The following CNTN2 variants were observed in gnomAD, a reference collection of about 807,000 sequenced individuals.
The protein encoded by CNTN2 is contactin-2.
A neutral mutation model predicts 117.5 loss-of-function variants in CNTN2; 53 were observed. The ratio of observed to expected loss-of-function variants is 0.45; its 90% CI spans 0.36 to 0.57. The LOEUF (loss-of-function observed/expected upper bound fraction) is 0.57, where lower values mean the gene tolerates loss of function less well. CNTN2 is among the 20% of genes least tolerant of loss of function. The pLI is 0.00. For synonymous variants in CNTN2, 530 were observed against 561.7 expected (o/e 0.94, Z 0.80); for missense variants, 1,106 against 1,404.3 (o/e 0.79, Z 3.39).
In CNTN2 at chr1:205,059,701, G is replaced by C. The variant is rs1252292795; in HGVS notation, c.797+19G>C. ...TTGGGAAGTGAGTGTGAAGAGGGAGGGGAAGCAGAGCACGGTCTCTCGGGG... is the reference window on the plus strand; with the variant it reads ...TTGGGAAGTGAGTGTGAAGAGGGAGCGGAAGCAGAGCACGGTCTCTCGGGG... On this transcript the variant is annotated intron_variant, in intron 7 of 22. Coordinates refer to ENST00000331830, the MANE Select transcript of CNTN2 (RefSeq NM_005076.5). This position sits in a 1 kb window ranked among gnomAD's most constrained non-coding sequence, Gnocchi z 5.6. The C allele has an allele frequency of 6.2e-7, 1 of 1,607,734 alleles. No homozygotes were observed. The highest frequency in any genetic ancestry group is 1.3e-5 in the African/African-American group (1 of 74,766).
chr1:205,050,333 G>A (rs1176871098), intron 1 of CNTN2, among the ~76,000 whole-genome samples: 1 of 151,834 alleles, frequency 6.6e-6, no homozygotes, highest in Non-Finnish European at 1.5e-5. Flanking sequence ...GAGAGAGAGA[G>A]TTTGTCTTGG....
chr1:205,047,298 A>G (rs3753850), intron 1 of CNTN2, among the ~76,000 whole-genome samples: 4,574 of 152,064 alleles, frequency 0.03, 100 homozygotes, highest in East Asian at 0.06. Flanking sequence ...TGCCAGCTGC[A>G]GCCTGGCCTG....
chr1:205,067,333 A>T (rs78898977), intron 16 of CNTN2, 83 bp downstream of exon 16: 1 of 1,511,294 alleles, frequency 6.6e-7, no homozygotes, highest in Non-Finnish European at 9.0e-7. Context: ...GCCAGCCGCA[A>T]TTATGCTGAG....
intron 2 of CNTN2, among the ~76,000 whole-genome samples, chr1:205,054,547 G>A (rs896775874): frequency 2.6e-5 from 4 of 151,936 alleles, no homozygotes; most frequent in Non-Finnish European, 5.9e-5. Context: ...TCTAGCATCC[G>A]CTCCCTCAGG....
At chr1:205,063,283 C>G (rs1024726950) in intron 10 of CNTN2, 1 of 152,180 alleles carries the variant, frequency 6.6e-6, no homozygotes, top group Non-Finnish European at 1.5e-5. Flanking sequence ...GACAAATAAA[C>G]CCCAAATCAA....
At position 205,069,259 on chromosome 1, in the gene CNTN2, G is replaced by A. The variant is rs11586600; in HGVS notation, c.2126-232G>A. On this transcript the variant is annotated intron_variant, in intron 16 of 22. Coordinates refer to ENST00000331830, the MANE Select transcript of CNTN2 (RefSeq NM_005076.5). Reference sequence around the variant, plus strand: ...CATGGAGAAGAGAATCAGAGGCTCAGAAAGGTTAAGTGACTTGCCCAGGGA... The same window carrying A: ...CATGGAGAAGAGAATCAGAGGCTCAAAAAGGTTAAGTGACTTGCCCAGGGA... 34 of 519,576 alleles carry A rather than the reference G, an allele frequency of 6.5e-5. No homozygotes were observed. In the East Asian group the frequency reaches 8.9e-4, roughly 14 times the overall value. 32.2% of individuals were successfully genotyped at this position (519,576 alleles called of 1,614,324 possible).
At chr1:205,054,541 G>A (rs2096458021) in intron 2 of CNTN2, among the ~76,000 whole-genome samples, 1 of 152,168 alleles carries the variant, frequency 6.6e-6, no homozygotes. Context: ...TGGGCTTCTA[G>A]CATCCGCTCC....
At chr1:205,064,126 A>AGGGGGGGGGGGGGGGGGGGTGGGGGGGGG (rs11329962) in intron 10 of CNTN2, among the ~76,000 whole-genome samples, 196 bp from the exon 11 acceptor site, 1 of 94,374 alleles carries the variant, frequency 1.1e-5, no homozygotes, top group South Asian at 3.1e-4. Context: ...TGAGGGGCGG[A>AGGGGGGGGGGGGGGGGGGGTGGGGGGGGG]GGGGGGGCGC....
rs1654941865 is a variant in CNTN2, at chr1:205,077,981, A to G, written c.*4216A>G. On this transcript the variant is annotated 3_prime_UTR_variant, in exon 23 of 23. Transcript: ENST00000331830. ...GACTCTGGTAGCAGGCAGTTCTTAA[A>G]TAAAGATGGTTTCTCAACCTGTTGG... 1 of 152,206 alleles carries G rather than the reference A, an allele frequency of 6.6e-6. No individual in the cohort carries two copies. Among genetic ancestry groups the G allele is most frequent in the South Asian group, 2.1e-4 (1 of 4,826 alleles). The allele number at this position is 152,206 out of a possible 1,614,324, so 9.4% of individuals were successfully genotyped here.
chr1:205,061,983 G>C lies in CNTN2; in HGVS notation c.1092G>C (p.Gly364=), dbSNP rs1654011678. The change falls in exon 9 of 23, where the codon GGG becomes GGC. Residue 364 remains glycine (G), a synonymous_variant. Transcript: ENST00000331830. This position sits in a 1 kb window ranked among gnomAD's most constrained non-coding sequence, Gnocchi z 4.8. ...PRPTVRWLRN[G]EPLASQNRVE... ...CTACAGTGCGCTGGCTGCGGAACGG[G>C]GAGCCTCTGGCCTCCCAGGTAGGAG... 1 of 1,613,222 alleles carries C rather than the reference G, an allele frequency of 6.2e-7. No homozygotes were observed. Among genetic ancestry groups the C allele is most frequent in the African/African-American group, 1.3e-5 (1 of 74,918 alleles).
intron 1 of CNTN2, among the ~76,000 whole-genome samples, chr1:205,051,769 T>G (rs3767290): frequency 0.15 from 23,178 of 152,096 alleles, 5,150 homozygotes; most frequent in African/African-American, 0.49. Flanking sequence ...TGTGGAGTGG[T>G]CAAATGTGGA....
At chr1:205,071,138 C>T (rs1365569654) in intron 19 of CNTN2, among the ~76,000 whole-genome samples, 2 of 152,192 alleles carry the variant, frequency 1.3e-5, no homozygotes, top group Non-Finnish European at 1.5e-5. Flanking sequence ...GGGGCATGGC[C>T]TGCCCCTTTC....
At chr1:205,053,773 A>G (rs527895551) in intron 2 of CNTN2, among the ~76,000 whole-genome samples, 6 of 152,372 alleles carry the variant, frequency 3.9e-5, no homozygotes, top group Admixed American at 2.0e-4. Context: ...GTCCCCTGAC[A>G]TGAGCAGACA....
chr1:205,074,475 C>T lies in CNTN2; in HGVS notation c.*710C>T. 2.5e-6 allele frequency: 1 copy of T among 398,478 alleles called. No homozygotes were observed. Among genetic ancestry groups the T allele is most frequent in the Non-Finnish European group, 4.4e-6 (1 of 226,250 alleles). The allele number at this position is 398,478 out of a possible 1,614,324, so 24.7% of individuals were successfully genotyped here. A position where few individuals can be genotyped will look rare whatever the true frequency, so the allele number is the denominator to read the frequency against. On this transcript the variant is annotated 3_prime_UTR_variant, in exon 23 of 23. Coordinates refer to ENST00000331830, the MANE Select transcript of CNTN2 (RefSeq NM_005076.5). ...GGCCCTTGGTGGAAAGGGGCACCAG[C>T]CTTGGTCTGAGATAGTCACAACCCA...
chr1:205,066,681 G>A (rs564637017), intron 15 of CNTN2, 82 bp downstream of exon 15: 196 of 1,493,438 alleles, frequency 1.3e-4, no homozygotes, highest in Non-Finnish European at 1.7e-4. Flanking sequence ...TTTGGGGATC[G>A]GGGTCTGAGG....
intron 1 of CNTN2, among the ~76,000 whole-genome samples, chr1:205,052,283 G>A (rs192322059): frequency 1.3e-4 from 20 of 152,302 alleles, no homozygotes; most frequent in Admixed American, 1.2e-3. Context: ...GGAGTGAACG[G>A]GGAGGCTGGC....
At position 205,061,302 on chromosome 1, in the gene CNTN2, C is replaced by A. The variant is rs1250408181; in HGVS notation, c.855C>A (p.Thr285=). ...ACGGCTCCCTGTCCCCGCAGTGGACCACAGCTGAGCCCACCCTGCAGATCC... is the reference window on the plus strand; with the variant it reads ...ACGGCTCCCTGTCCCCGCAGTGGACAACAGCTGAGCCCACCCTGCAGATCC... ...KVDGSLSPQW[T]TAEPTLQIPS... Residue 285 remains threonine (T), a synonymous_variant, in exon 8 of 23, where the codon ACC becomes ACA. Coordinates refer to ENST00000331830, the MANE Select transcript of CNTN2 (RefSeq NM_005076.5). The surrounding 1 kb of genome is among the most constrained non-coding windows in gnomAD (Gnocchi z 4.8). 7 of 1,614,014 alleles carry A rather than the reference C, an allele frequency of 4.3e-6. No individual in the cohort carries two copies. The African/African-American group carries it at 9.3e-5, about 22-fold the overall frequency.
chr1:205,065,376 T>G lies in CNTN2; in HGVS notation c.1695+114T>G. The G allele has an allele frequency of 5.3e-5, 57 of 1,065,790 alleles. No homozygotes were observed. Among genetic ancestry groups the G allele is most frequent in the Non-Finnish European group, 6.7e-5 (49 of 730,956 alleles). 66.0% of individuals were successfully genotyped at this position (1,065,790 alleles called of 1,614,324 possible). ...GAAACCCATAGCCTAAGCGCCCCCA[T>G]TCCCTCAGGCCCACACATGGCAAGC... On this transcript the variant is annotated intron_variant, in intron 13 of 22. Transcript: ENST00000331830. This position sits in a 1 kb window ranked among gnomAD's most constrained non-coding sequence, Gnocchi z 4.1.
Position 205,065,036 on chromosome 1 carries a change from C to A in CNTN2, c.1520-51C>A. 1 of 1,594,598 alleles carries A rather than the reference C, an allele frequency of 6.3e-7. No homozygotes were observed. Among genetic ancestry groups the A allele is most frequent in the Non-Finnish European group, 8.6e-7 (1 of 1,166,632 alleles). On this transcript the variant is annotated intron_variant, in intron 12 of 22. Coordinates refer to ENST00000331830, the MANE Select transcript of CNTN2 (RefSeq NM_005076.5). The surrounding 1 kb of genome is among the most constrained non-coding windows in gnomAD (Gnocchi z 4.1). ...TCTCAGCCTGCCCTGCGGACCCGGC[C>A]TGGGCCCATTTCCTCCCCCATCCAC...
Sources: gnomAD v4.1 joint callset for allele counts (sites outside exome capture counted in the v4.1 genomes callset) on GRCh38, gnomAD v4.1.1 for gene constraint, Gnocchi (gnomAD v3.1) non-coding constraint, MANE v1.5 for transcripts, NCBI Gene and HGNC (gene_info 2026-07-23, HGNC 2026-07-21) for gene names.